The following NLK variants were observed in gnomAD, a reference collection of about 807,000 sequenced individuals.
NLK encodes nemo like kinase.
Under a neutral mutation model 59.0 loss-of-function variants are expected in NLK, and 11 were observed. The observed-to-expected ratio is 0.19, with a 90% CI of 0.12 to 0.31. NLK has a LOEUF of 0.31. NLK is among the 10% of genes least tolerant of loss of function. NLK has a pLI of 1.00. For missense variants in NLK, 410 were observed against 661.1 expected (o/e 0.62, Z 4.16); for synonymous variants, 235 against 235.9 (o/e 1.00, Z 0.03).
At chr17:28,095,207 A>G (rs1192114242) in intron 1 of NLK, among the ~76,000 whole-genome samples, 1 of 152,078 alleles carries the variant, frequency 6.6e-6, no homozygotes, top group Non-Finnish European at 1.5e-5. Context: ...ACATGATACT[A>G]TTGTTGCTGC....
At chr17:28,199,038 A>G (rs544446296), downstream of NLK, among the ~76,000 whole-genome samples, 3 of 152,360 alleles carry the variant, frequency 2.0e-5, no homozygotes, top group Middle Eastern at 3.4e-3. Flanking sequence ...ACCTTTCCCA[A>G]TAGAAAGTAA....
chr17:28,151,822 T>A (rs1178477996), intron 3 of NLK, among the ~76,000 whole-genome samples: 1 of 152,220 alleles, frequency 6.6e-6, no homozygotes, highest in Admixed American at 6.5e-5. Context: ...GTTTTTGAAG[T>A]TCATGGATCC....
At chr17:28,201,382 CTTTTTTT>C in the NLK span, among the ~76,000 whole-genome samples, 1 of 126,924 alleles carries the variant, frequency 7.9e-6, no homozygotes, top group African/African-American at 3.0e-5. Flanking sequence ...TGCACCTGGT[CTTTTTTT>C]TTTTTTTTTT....
intron 1 of NLK, among the ~76,000 whole-genome samples, chr17:28,082,912 T>C (rs1013603541): frequency 6.6e-6 from 1 of 152,248 alleles, no homozygotes; most frequent in Non-Finnish European, 1.5e-5. Context: ...TTGGCTATAC[T>C]ATGTAGTCTA....
At chr17:28,112,154 T>C (rs1187683496) in intron 1 of NLK, among the ~76,000 whole-genome samples, 1 of 152,058 alleles carries the variant, frequency 6.6e-6, no homozygotes, top group East Asian at 1.9e-4. Context: ...GGCTCTCTCA[T>C]TTCCAGAATC....
At chr17:28,139,484 G>A (rs941152835) in intron 3 of NLK, among the ~76,000 whole-genome samples, 1 of 152,108 alleles carries the variant, frequency 6.6e-6, no homozygotes, top group African/African-American at 2.4e-5. Flanking sequence ...AACAATCCAG[G>A]AACAGATAAA....
intron 1 of NLK, among the ~76,000 whole-genome samples, chr17:28,064,174 C>CTTTTTTT (rs66949112): frequency 4.0e-5 from 4 of 99,600 alleles, no homozygotes; most frequent in Non-Finnish European, 5.6e-5. Flanking sequence ...AGTTAGCAAA[C>CTTTTTTT]TTTTTTTTTT....
At chr17:28,111,896 G>GGGGT (rs1905520867) in intron 1 of NLK, among the ~76,000 whole-genome samples, 7 of 67,486 alleles carry the variant, frequency 1.0e-4, no homozygotes, top group East Asian at 5.1e-4. Flanking sequence ...GTGTGTGTGT[G>GGGGT]GTGTGTGTGT....
At chr17:28,145,206 G>A (rs1206562677) in intron 3 of NLK, among the ~76,000 whole-genome samples, 3 of 152,140 alleles carry the variant, frequency 2.0e-5, no homozygotes, top group Admixed American at 6.6e-5. Flanking sequence ...GCATGAGTAA[G>A]CAAAGTTTTG....
intron 3 of NLK, among the ~76,000 whole-genome samples, chr17:28,154,081 A>C (rs1907598428): frequency 1.3e-5 from 2 of 152,146 alleles, no homozygotes; most frequent in Admixed American, 6.5e-5. Flanking sequence ...TCCTTCCTGT[A>C]GTCCCCTTAA....
At chr17:28,145,072 A>T (rs920901409) in intron 3 of NLK, among the ~76,000 whole-genome samples, 2 of 152,186 alleles carry the variant, frequency 1.3e-5, no homozygotes, top group Admixed American at 6.5e-5. Context: ...TATCTTTGGC[A>T]GTGGGTTTAA....
intron 1 of NLK, among the ~76,000 whole-genome samples, chr17:28,058,279 C>A (rs902076589): frequency 6.6e-6 from 1 of 152,182 alleles, no homozygotes; most frequent in Non-Finnish European, 1.5e-5. Context: ...TAAATAGGGA[C>A]ACCGTAATGT....
At chr17:28,095,655 A>G (rs955475304) in intron 1 of NLK, among the ~76,000 whole-genome samples, 3 of 152,204 alleles carry the variant, frequency 2.0e-5, no homozygotes, top group Admixed American at 1.3e-4. Flanking sequence ...ATTACAATAT[A>G]TATATTTGAA....
rs113252966 is a variant in NLK, at chr17:28,069,085, C to G, written c.458+25754C>G. 6.5e-3 allele frequency among the ~76,000 whole-genome samples: 996 copies of G among 152,298 alleles called. 17 individuals are homozygous for G. Among genetic ancestry groups the G allele is most frequent in the African/African-American group, 0.022 (929 of 41,558 alleles). Reference sequence around the variant, plus strand: ...AAATTCTACCATGCATCCCCCTCCCCCTGCCCTAGGCAGCCACTTTTTTGG... The same window carrying G: ...AAATTCTACCATGCATCCCCCTCCCGCTGCCCTAGGCAGCCACTTTTTTGG... On this transcript the variant is annotated intron_variant, in intron 1 of 10. Coordinates refer to ENST00000407008, the MANE Select transcript of NLK (RefSeq NM_016231.5).
At chr17:28,168,884 A>G (rs1908350162) in intron 6 of NLK, among the ~76,000 whole-genome samples, 1 of 151,870 alleles carries the variant, frequency 6.6e-6, no homozygotes, top group Admixed American at 6.6e-5. Context: ...GTATTTATTT[A>G]TTATTATTAT....
downstream of NLK, among the ~76,000 whole-genome samples, chr17:28,200,259 C>T (rs1909593074): frequency 6.6e-6 from 1 of 152,114 alleles, no homozygotes; most frequent in South Asian, 2.1e-4. Flanking sequence ...AGATTTTCTC[C>T]TACTTTTCTC....
At chr17:28,108,502 G>T (rs1264330101) in intron 1 of NLK, among the ~76,000 whole-genome samples, 1 of 152,024 alleles carries the variant, frequency 6.6e-6, no homozygotes, top group Non-Finnish European at 1.5e-5. Context: ...AAATTAAACA[G>T]CATAATAATT....
chr17:28,158,524 T>TA (rs1446269459), intron 3 of NLK, among the ~76,000 whole-genome samples: 2 of 152,216 alleles, frequency 1.3e-5, no homozygotes, highest in African/African-American at 4.8e-5. Flanking sequence ...AACCCTAGCT[T>TA]ACTGTAATTT....
intron 1 of NLK, among the ~76,000 whole-genome samples, chr17:28,044,162 A>G (rs1908970747): frequency 1.3e-5 from 2 of 152,230 alleles, no homozygotes; most frequent in Admixed American, 6.5e-5. Context: ...ATTTTGGTCT[A>G]TTTGGTCTAA....
Sources: gnomAD v4.1 joint callset for allele counts (sites outside exome capture counted in the v4.1 genomes callset) on GRCh38, gnomAD v4.1.1 for gene constraint, MANE v1.5 for transcripts, NCBI Gene and HGNC (gene_info 2026-07-23, HGNC 2026-07-21) for gene names.